PHF21A: variants seen among roughly 807,000 people sequenced by gnomAD.
PHF21A encodes the protein PHD finger protein 21A, also known as BHC80a.
Under a neutral mutation model 82.5 loss-of-function variants are expected in PHF21A, and 11 were observed. The ratio of observed to expected loss-of-function variants is 0.13; its 90% CI spans 0.08 to 0.22. The LOEUF (loss-of-function observed/expected upper bound fraction) is 0.22, where lower values mean the gene tolerates loss of function less well. PHF21A is among the 10% of genes least tolerant of loss of function. PHF21A has a pLI of 1.00. For missense variants in PHF21A, 579 were observed against 837.8 expected (o/e 0.69, Z 3.81); for synonymous variants, 297 against 302.8 (o/e 0.98, Z 0.20).
chr11:46,057,192 T>C (rs2096470431), intron 6 of PHF21A, among the ~76,000 whole-genome samples: 1 of 152,176 alleles, frequency 6.6e-6, no homozygotes, highest in Non-Finnish European at 1.5e-5. Flanking sequence ...CTAGTAATGC[T>C]TAAGACTTGT....
chr11:45,994,568 C>T (rs948024591), intron 6 of PHF21A, among the ~76,000 whole-genome samples: 1 of 152,200 alleles, frequency 6.6e-6, no homozygotes, highest in Admixed American at 6.5e-5. Flanking sequence ...TTAGTCTCCA[C>T]AGGCCTAATG....
intron 6 of PHF21A, among the ~76,000 whole-genome samples, chr11:46,011,984 C>A (rs375739459): frequency 9.2e-5 from 14 of 152,176 alleles, no homozygotes; most frequent in African/African-American, 3.1e-4. Context: ...TGACTATCAC[C>A]TTCTTTACTT....
chr11:45,977,862 T>C (rs2094112044), intron 7 of PHF21A, among the ~76,000 whole-genome samples: 1 of 151,608 alleles, frequency 6.6e-6, no homozygotes, highest in Non-Finnish European at 1.5e-5. Context: ...TTTTTGGTAT[T>C]GAATGGCAGT....
intron 15 of PHF21A, among the ~76,000 whole-genome samples, chr11:45,941,775 A>G (rs952212534): frequency 1.3e-5 from 2 of 152,220 alleles, no homozygotes; most frequent in Admixed American, 6.5e-5. Flanking sequence ...CAGCTGGCCC[A>G]TGATGCTTTG....
At chr11:46,113,074 G>A (rs1490027133) in intron 1 of PHF21A, among the ~76,000 whole-genome samples, 1 of 152,164 alleles carries the variant, frequency 6.6e-6, no homozygotes, top group African/African-American at 2.4e-5. Flanking sequence ...AGAGGGCTGG[G>A]AAGCTGTGTA....
At chr11:46,042,118 C>T (rs2096157062) in intron 6 of PHF21A, among the ~76,000 whole-genome samples, 1 of 152,126 alleles carries the variant, frequency 6.6e-6, no homozygotes, top group Admixed American at 6.6e-5. Context: ...CCCAGAAGCA[C>T]CAGTTCAATA....
intron 8 of PHF21A, chr11:45,970,166 A>T (rs2093666931): frequency 2.7e-6 from 1 of 368,540 alleles, no homozygotes; most frequent in Non-Finnish European, 4.9e-6. Flanking sequence ...AATCTTAGAC[A>T]ATTTTCTTTG....
rs577397436 is a variant in PHF21A, at chr11:46,052,499, C to A, written c.153+24255G>T. On this transcript the variant is annotated intron_variant, in intron 6 of 18. Transcript: ENST00000676320. Reference sequence around the variant, plus strand: ...CTGCACTAGCCATTCAACCTCACTGCCTATCAGTTTTCTGAACTCTGAGAA... The same window carrying A: ...CTGCACTAGCCATTCAACCTCACTGACTATCAGTTTTCTGAACTCTGAGAA... Among the ~76,000 whole-genome samples, 5 of 152,136 alleles carry A rather than the reference C, an allele frequency of 3.3e-5. No homozygotes were observed. In the South Asian group the frequency reaches 1.0e-3, roughly 32 times the overall value.
At chr11:46,080,668 T>C (rs1165983035) in intron 4 of PHF21A, among the ~76,000 whole-genome samples, 2 of 151,872 alleles carry the variant, frequency 1.3e-5, no homozygotes, top group African/African-American at 2.4e-5. Flanking sequence ...CTATTCTTTT[T>C]TTGTTTTTTG....
intron 6 of PHF21A, among the ~76,000 whole-genome samples, chr11:46,036,005 AG>A (rs1311553201): frequency 6.6e-6 from 1 of 152,214 alleles, no homozygotes; most frequent in East Asian, 1.9e-4. Flanking sequence ...GCTGGAAGCA[AG>A]AAGATTCAAA....
chr11:46,045,204 C>T (rs2096238064), intron 6 of PHF21A, among the ~76,000 whole-genome samples: 1 of 152,218 alleles, frequency 6.6e-6, no homozygotes, highest in African/African-American at 2.4e-5. Context: ...TGCTTTCTCT[C>T]TTCTCATTAT....
chr11:46,018,864 T>G (rs2095571980), intron 6 of PHF21A, among the ~76,000 whole-genome samples: 1 of 152,200 alleles, frequency 6.6e-6, no homozygotes, highest in African/African-American at 2.4e-5. Context: ...CTCTCACAGA[T>G]GCACATCACC....
intron 1 of PHF21A, among the ~76,000 whole-genome samples, chr11:46,115,506 G>A (rs146855468): frequency 2.1e-3 from 317 of 152,194 alleles, no homozygotes; most frequent in African/African-American, 7.4e-3. Flanking sequence ...TCAATGCAAT[G>A]TTAACATATT....
chr11:46,118,341 A>C (rs1282281270), intron 1 of PHF21A, among the ~76,000 whole-genome samples: 6 of 151,512 alleles, frequency 4.0e-5, no homozygotes, highest in Non-Finnish European at 8.8e-5. Context: ...CAAGCAAAAC[A>C]CTTTATTATG....
chr11:46,068,431 G>T (rs932081594), intron 6 of PHF21A, among the ~76,000 whole-genome samples: 1 of 152,134 alleles, frequency 6.6e-6, no homozygotes, highest in African/African-American at 2.4e-5. Context: ...TAGAGAGGTG[G>T]TGTCAGTTAT....
chr11:46,119,978 G>A (rs1852640638), intron 1 of PHF21A: 1 of 146,372 alleles, frequency 6.8e-6, no homozygotes, highest in South Asian at 2.1e-4. Context: ...GGCGCCCCGC[G>A]GCCGCCGGCG....
At chr11:45,966,083 G>A (rs2946001) in intron 9 of PHF21A, among the ~76,000 whole-genome samples, 75,463 of 151,896 alleles carry the variant, frequency 0.5, 22,171 homozygotes, top group Non-Finnish European at 0.66. Context: ...TCCTAAATGT[G>A]AGTATTTCTT....
chr11:45,971,182 C>T lies in PHF21A; in HGVS notation c.546G>A (p.Thr182=). ...CCCCAGGCCCAGTGACCTTACTAGA[C>T]GTCTGGAGGTTGACTGGTGTGTTCT... The part of the protein sequence containing the change: ...DVQNTPVNLQ[T]SSKVTGPGAE... The change falls in exon 8 of 19, where the codon ACG becomes ACA. Residue 182 remains threonine, a synonymous_variant. Transcript: ENST00000676320. 1.9e-6 allele frequency: 3 copies of T among 1,614,194 alleles called. No homozygotes were observed. Among genetic ancestry groups the T allele is most frequent in the South Asian group, 1.1e-5 (1 of 91,084 alleles).
intron 6 of PHF21A, among the ~76,000 whole-genome samples, chr11:46,036,032 T>C (rs976587214): frequency 7.2e-5 from 11 of 152,264 alleles, no homozygotes; most frequent in African/African-American, 2.6e-4. Flanking sequence ...ACTCTTTAAA[T>C]AAGCCAGGCA....
Sources: allele counts gnomAD v4.1 joint callset (sites outside exome capture counted in the v4.1 genomes callset), GRCh38; gene constraint gnomAD v4.1.1; transcripts MANE v1.5; gene names NCBI Gene and HGNC (gene_info 2026-07-23, HGNC 2026-07-21).